ULK2: variants seen among roughly 807,000 people sequenced by gnomAD.
The protein encoded by ULK2 is serine/threonine-protein kinase ULK2.
In ULK2, 76 loss-of-function variants were observed where a neutral mutation model predicts 127.5. That is an observed-to-expected ratio of 0.60 (90% confidence interval 0.50 to 0.72). ULK2 has a LOEUF of 0.72. Ranked by LOEUF, ULK2 falls within the 30% of genes least tolerant of loss-of-function variation. The pLI, the probability that ULK2 is intolerant of heterozygous loss-of-function variation, is 0.00. For synonymous variants in ULK2, 452 were observed against 461.9 expected, an observed-to-expected ratio of 0.98 and a Z score of 0.28; for missense variants, 1,144 against 1,295.9, an observed-to-expected ratio of 0.88 and a Z score of 1.80.
At chr17:19,794,723 GAAA>G (rs11336353) in intron 20 of ULK2, among the ~76,000 whole-genome samples, 1 of 144,026 alleles carries the variant, frequency 6.9e-6, no homozygotes, top group Non-Finnish European at 1.5e-5. Flanking sequence ...AAGTCATAGA[GAAA>G]AAAAAAAAAA....
intron 3 of ULK2, among the ~76,000 whole-genome samples, chr17:19,854,326 A>G (rs758076386): frequency 6.6e-6 from 1 of 151,922 alleles, no homozygotes; most frequent in Non-Finnish European, 1.5e-5. Flanking sequence ...TTCCTGATCT[A>G]ACACAAACCC....
At chr17:19,781,203 G>T in intron 23 of ULK2, 99 bp from the exon 24 acceptor site, 1 of 806,602 alleles carries the variant, frequency 1.2e-6, no homozygotes, top group Non-Finnish European at 1.9e-6. Flanking sequence ...TTTCTATAAA[G>T]GAATAGCATC....
chr17:19,833,973 C>A (rs569987826), intron 10 of ULK2, among the ~76,000 whole-genome samples: 1 of 152,226 alleles, frequency 6.6e-6, no homozygotes, highest in East Asian at 1.9e-4. Context: ...TCAATAAACT[C>A]CAGGCAGGAT....
Position 19,783,764 on chromosome 17 carries a change from G to A in ULK2, c.2393C>T (p.Ser798Leu), listed in dbSNP as rs1406898788. The change falls in exon 22 of 27, where the codon TCA becomes TTA. Residue 798 changes from serine (S) to leucine (L), a missense_variant. Physicochemically the swap from Ser to Leu is moderately radical, Grantham distance 145. Coordinates refer to ENST00000395544, the MANE Select transcript of ULK2 (RefSeq NM_014683.4). ...PSLRYVPYGA[S>L]PPSLEGLITF... Reference sequence around the variant, plus strand: ...GATGAGCCCCTCTAGGCTGGGGGGTGAAGCACCGTAAGGCACGTATCTCAG... The same window carrying A: ...GATGAGCCCCTCTAGGCTGGGGGGTAAAGCACCGTAAGGCACGTATCTCAG... 1.2e-6 allele frequency: 2 copies of A among 1,601,542 alleles called. No homozygotes were observed. The highest frequency in any genetic ancestry group is 1.7e-6 in the Non-Finnish European group (2 of 1,173,650).
In ULK2 at chr17:19,796,287, A is replaced by G; in HGVS notation, c.1810-5T>C. The G allele has an allele frequency of 6.8e-7, 1 of 1,474,710 alleles. No individual in the cohort carries two copies. Among genetic ancestry groups the G allele is most frequent in the Non-Finnish European group, 8.9e-7 (1 of 1,117,526 alleles). The allele number at this position is 1,474,710 out of a possible 1,614,324, so 91.4% of individuals were successfully genotyped here. On this transcript the variant is annotated splice_polypyrimidine_tract_variant and splice_region_variant and intron_variant, in intron 18 of 26. Transcript: ENST00000395544. ...GATTTTGAAAGGAGCTGTGGTCTAAAGAGACATATATATATATATATATGT... is the reference window on the plus strand; with the variant it reads ...GATTTTGAAAGGAGCTGTGGTCTAAGGAGACATATATATATATATATATGT...
Position 19,785,885 on chromosome 17 carries a change from C to T in ULK2, c.2251+52G>A, listed in dbSNP as rs559809564. 1.3e-5 allele frequency: 21 copies of T among 1,573,806 alleles called. No homozygotes were observed. The East Asian group carries it at 4.3e-4, about 32-fold the overall frequency. ...TACAACACTGAGTCATTTGTCAAAA[C>T]ACTACATTCCAAATACTAGCCAAAG... On this transcript the variant is annotated intron_variant, in intron 21 of 26. Coordinates refer to ENST00000395544, the MANE Select transcript of ULK2 (RefSeq NM_014683.4).
chr17:19,822,780 G>A (rs991257698), intron 12 of ULK2, among the ~76,000 whole-genome samples: 9 of 151,942 alleles, frequency 5.9e-5, no homozygotes, highest in Admixed American at 1.3e-4. Context: ...TCCGCCTCCC[G>A]GGTTCAAGCG....
rs1175967749 is a variant in ULK2, at chr17:19,774,769, C to T, written c.*1580G>A. 6.6e-6 allele frequency: 1 copy of T among 152,562 alleles called. No individual in the cohort carries two copies. The highest frequency in any genetic ancestry group is 6.5e-5 in the Admixed American group (1 of 15,276). The allele number at this position is 152,562 out of a possible 1,614,324, so 9.5% of individuals were successfully genotyped here. A position where few individuals can be genotyped will look rare whatever the true frequency, so the allele number is the denominator to read the frequency against. ...GAAACACTTTGTCAGTTTTATTTTA[C>T]CTTAATATACATTTGTACAGGCAAT... On this transcript the variant is annotated 3_prime_UTR_variant, in exon 27 of 27. Transcript: ENST00000395544.
chr17:19,793,730 G>A (rs1377114926), intron 20 of ULK2, among the ~76,000 whole-genome samples: 3 of 151,984 alleles, frequency 2.0e-5, no homozygotes, highest in Non-Finnish European at 4.4e-5. Flanking sequence ...CTTAACTCCT[G>A]GCCAGATAAA....
chr17:19,846,399 G>A (rs954949272), intron 6 of ULK2, among the ~76,000 whole-genome samples: 5 of 151,940 alleles, frequency 3.3e-5, no homozygotes, highest in East Asian at 1.9e-4. Flanking sequence ...CAGCACTTGC[G>A]GAAGCTGAGG....
chr17:19,841,221 A>G (rs370682657), intron 9 of ULK2, among the ~76,000 whole-genome samples: 87 of 152,284 alleles, frequency 5.7e-4, no homozygotes, highest in South Asian at 4.4e-3. Flanking sequence ...TATCTATTCT[A>G]TTCTGTCCAC....
At chr17:19,862,504 AC>A (rs1413783347) in intron 3 of ULK2, among the ~76,000 whole-genome samples, 1 of 146,168 alleles carries the variant, frequency 6.8e-6, no homozygotes, top group Non-Finnish European at 1.5e-5. Context: ...TTCGCTCGTT[AC>A]CCCAGGCTGG....
intron 10 of ULK2, 151 bp downstream of exon 10, chr17:19,838,350 C>T (rs1330850868): frequency 3.1e-6 from 2 of 640,902 alleles, no homozygotes; most frequent in African/African-American, 1.9e-5. Flanking sequence ...TAGTAATAAG[C>T]ACTCAATAAA....
Position 19,797,514 on chromosome 17 carries a change from T to A in ULK2, c.1691A>T (p.Gln564Leu), listed in dbSNP as rs964516986. Reference sequence around the variant, plus strand: ...TCCAAGGCTGCCAGGCCGACTGGGCTGAGGCGAGTAGCTGTACCCAGCCCC... The same window carrying A: ...TCCAAGGCTGCCAGGCCGACTGGGCAGAGGCGAGTAGCTGTACCCAGCCCC... Reference protein sequence around the residue: ...HTGAGYSYSPQPSRPGSLGTS... With the variant: ...HTGAGYSYSPLPSRPGSLGTS... The change falls in exon 18 of 27, where the codon CAG becomes CTG. Residue 564 changes from glutamine to leucine, a missense_variant. Gln to Leu is a moderately radical substitution (Grantham distance 113). This residue lies in a region of ULK2 where 913 missense variants were observed against 970.5 expected (regional missense o/e 0.94). Transcript: ENST00000395544. 6.2e-7 allele frequency: 1 copy of A among 1,613,964 alleles called. No individual in the cohort carries two copies. The highest frequency in any genetic ancestry group is 1.7e-5 in the Admixed American group (1 of 60,000).
At chr17:19,837,822 T>C (rs757880024) in intron 10 of ULK2, among the ~76,000 whole-genome samples, 1 of 152,228 alleles carries the variant, frequency 6.6e-6, no homozygotes, top group Non-Finnish European at 1.5e-5. Context: ...AAGAGTCTCC[T>C]GATTAGTCTC....
chr17:19,804,908 T>C (rs2087482700), intron 14 of ULK2, 78 bp from the exon 15 acceptor site: 1 of 1,493,774 alleles, frequency 6.7e-7, no homozygotes, highest in Non-Finnish European at 9.0e-7. Flanking sequence ...TTAGTTATAT[T>C]TAGAGAAAAT....
chr17:19,822,988 ATTTTTTTT>A, intron 12 of ULK2, among the ~76,000 whole-genome samples: 1 of 127,606 alleles, frequency 7.8e-6, no homozygotes, highest in African/African-American at 2.9e-5. Flanking sequence ...ACCCAGCCGG[ATTTTTTTT>A]TTTTTTTTTA....
intron 14 of ULK2, among the ~76,000 whole-genome samples, chr17:19,809,031 CAAT>C (rs1283668331): frequency 6.6e-5 from 10 of 152,192 alleles, no homozygotes; most frequent in African/African-American, 2.4e-4. Flanking sequence ...AAATGTTCAC[CAAT>C]GGATTAATGG....
At chr17:19,785,491 A>G (rs2087009082) in intron 21 of ULK2, among the ~76,000 whole-genome samples, 1 of 152,062 alleles carries the variant, frequency 6.6e-6, no homozygotes, top group Non-Finnish European at 1.5e-5. Flanking sequence ...TGCTGGGATT[A>G]CAGGCATAAG....
Sources: gnomAD v4.1 joint callset for allele counts (sites outside exome capture counted in the v4.1 genomes callset) on GRCh38, gnomAD v4.1.1 for gene constraint, gnomAD v4.1.1 regional missense constraint, MANE v1.5 for transcripts, NCBI Gene and HGNC (gene_info 2026-07-23, HGNC 2026-07-21) for gene names.